Variants in CNTN5 observed in about 807,000 individuals in gnomAD.
CNTN5 encodes the protein contactin 5.
In CNTN5, 77 loss-of-function variants were observed where a neutral mutation model predicts 129.1. The ratio of observed to expected loss-of-function variants is 0.60; its 90% CI spans 0.50 to 0.72. The LOEUF (loss-of-function observed/expected upper bound fraction) is 0.72. Ranked by LOEUF, CNTN5 falls within the 30% of genes least tolerant of loss-of-function variation. The pLI is 0.00. For synonymous variants in CNTN5, 509 were observed against 465.6 expected, an observed-to-expected ratio of 1.09 and a Z score of -1.20; for missense variants, 1,478 against 1,328.8, an observed-to-expected ratio of 1.11 and a Z score of -1.75.
chr11:99,484,743 G>A (rs564971937), intron 2 of CNTN5, among the ~76,000 whole-genome samples: 102 of 151,574 alleles, frequency 6.7e-4, no homozygotes, highest in African/African-American at 2.4e-3. Flanking sequence ...TCTGTTACAC[G>A]AATGGAACTG....
At chr11:99,703,349 T>C (rs1284123606) in intron 3 of CNTN5, among the ~76,000 whole-genome samples, 1 of 150,298 alleles carries the variant, frequency 6.7e-6, no homozygotes, top group African/African-American at 2.4e-5. Flanking sequence ...TTTCTTTCAC[T>C]TCTTACATGG....
intron 3 of CNTN5, among the ~76,000 whole-genome samples, chr11:99,731,971 A>ACC (rs1943550578): frequency 6.6e-6 from 1 of 152,196 alleles, no homozygotes; most frequent in Non-Finnish European, 1.5e-5. Context: ...ATTTAGATAT[A>ACC]ATGTATATAA....
chr11:100,232,955 A>T (rs1949524065), intron 16 of CNTN5, among the ~76,000 whole-genome samples: 1 of 152,178 alleles, frequency 6.6e-6, no homozygotes, highest in Non-Finnish European at 1.5e-5. Flanking sequence ...ACATAAAAAC[A>T]ATATGAAAAA....
intron 12 of CNTN5, 79 bp from the exon 13 acceptor site, chr11:100,074,065 T>A: frequency 7.4e-7 from 1 of 1,346,760 alleles, no homozygotes. Flanking sequence ...GAAGAAAAAG[T>A]TACAAGATCT....
rs762997705 is a variant in CNTN5, at chr11:99,607,940, G to C, written c.55+51671G>C. 2.1e-3 allele frequency among the ~76,000 whole-genome samples: 238 copies of C among 113,564 alleles called. 3 individuals are homozygous for C. Among genetic ancestry groups the C allele is most frequent in the Middle Eastern group, 8.2e-3 (2 of 244 alleles). 74.5% of individuals were successfully genotyped at this position (113,564 alleles called of 152,430 possible). On this transcript the variant is annotated intron_variant, in intron 3 of 24. Coordinates refer to ENST00000524871, the MANE Select transcript of CNTN5 (RefSeq NM_014361.4). The stretch of plus-strand genomic sequence containing the variant: ...ACAGGAAGGGGAATATCACACTCTG[G>C]GGACTGTGGTGGGGTCGGGGGAGGG...
intron 1 of CNTN5, among the ~76,000 whole-genome samples, chr11:99,175,001 A>G (rs1458192871): frequency 6.6e-6 from 1 of 152,060 alleles, no homozygotes; most frequent in East Asian, 1.9e-4. Flanking sequence ...TGTGAAGCTG[A>G]AGTTGAAGAT....
At chr11:100,022,844 C>G (rs61909187) in intron 9 of CNTN5, among the ~76,000 whole-genome samples, 11,080 of 152,178 alleles carry the variant, frequency 0.073, 489 homozygotes, top group East Asian at 0.16. Flanking sequence ...ATATGTTTCT[C>G]TACTATTTTC....
At chr11:99,958,182 G>T (rs950664711) in intron 8 of CNTN5, among the ~76,000 whole-genome samples, 1 of 152,092 alleles carries the variant, frequency 6.6e-6, no homozygotes, top group Non-Finnish European at 1.5e-5. Flanking sequence ...CCAATTCAGG[G>T]GCTACAAAAA....
intron 3 of CNTN5, among the ~76,000 whole-genome samples, chr11:99,772,872 G>C (rs1031947796): frequency 6.6e-6 from 1 of 152,040 alleles, no homozygotes; most frequent in Non-Finnish European, 1.5e-5. Flanking sequence ...TGGGATTGTA[G>C]ATCATGTAGT....
At chr11:99,121,273 T>C (rs1858312785) in intron 1 of CNTN5, among the ~76,000 whole-genome samples, 1 of 152,056 alleles carries the variant, frequency 6.6e-6, no homozygotes, top group African/African-American at 2.4e-5. Context: ...TAGCTGGGAT[T>C]ACAGGCACTC....
chr11:99,054,355 A>G (rs1195093524), intron 1 of CNTN5, among the ~76,000 whole-genome samples: 1 of 151,894 alleles, frequency 6.6e-6, no homozygotes, highest in African/African-American at 2.4e-5. Flanking sequence ...GTAACACAAC[A>G]TTTGTCTTAT....
At position 99,826,068 on chromosome 11, in the gene CNTN5, C is replaced by T. The variant is rs144135393; in HGVS notation, c.277+6303C>T. 9.7e-4 allele frequency among the ~76,000 whole-genome samples: 147 copies of T among 152,064 alleles called. No homozygotes were observed. In the South Asian group the frequency reaches 0.012, roughly 12 times the overall value. The stretch of plus-strand genomic sequence containing the variant: ...TTCCTGAATTTGTACTTTGGAGTAT[C>T]GTAAGCATATTTATTTTAAAGTCCT... On this transcript the variant is annotated intron_variant, in intron 4 of 24. Coordinates refer to ENST00000524871, the MANE Select transcript of CNTN5 (RefSeq NM_014361.4).
At chr11:99,423,937 A>G (rs1036194772) in intron 2 of CNTN5, among the ~76,000 whole-genome samples, 1 of 152,142 alleles carries the variant, frequency 6.6e-6, no homozygotes, top group Non-Finnish European at 1.5e-5. Context: ...GGTTTGAATG[A>G]TATTAAAACC....
intron 2 of CNTN5, among the ~76,000 whole-genome samples, chr11:99,482,322 A>C (rs1945633262): frequency 6.6e-6 from 1 of 152,214 alleles, no homozygotes; most frequent in African/African-American, 2.4e-5. Flanking sequence ...AAAGAACAGA[A>C]AGGTAATTCT....
At chr11:99,651,639 A>G (rs1373924457) in intron 3 of CNTN5, among the ~76,000 whole-genome samples, 1 of 152,032 alleles carries the variant, frequency 6.6e-6, no homozygotes, top group Non-Finnish European at 1.5e-5. Flanking sequence ...CTGGTTTAAA[A>G]AACCCATCTA....
chr11:99,774,200 C>G (rs993289738), intron 3 of CNTN5, among the ~76,000 whole-genome samples: 1 of 151,832 alleles, frequency 6.6e-6, no homozygotes, highest in African/African-American at 2.4e-5. Flanking sequence ...TTAATTAACT[C>G]TGTCTAGTAC....
intron 15 of CNTN5, among the ~76,000 whole-genome samples, chr11:100,200,239 G>A (rs1187891436): frequency 6.6e-6 from 1 of 151,780 alleles, no homozygotes; most frequent in Non-Finnish European, 1.5e-5. Flanking sequence ...ACTCTAATTA[G>A]CAGATTTTTC....
At chr11:99,498,909 T>C (rs569991619) in intron 2 of CNTN5, among the ~76,000 whole-genome samples, 3 of 152,260 alleles carry the variant, frequency 2.0e-5, no homozygotes, top group African/African-American at 7.2e-5. Context: ...CTGACACAAC[T>C]GAGTAAGGAG....
chr11:99,073,112 A>G (rs555715035), intron 1 of CNTN5, among the ~76,000 whole-genome samples: 9 of 152,218 alleles, frequency 5.9e-5, no homozygotes, highest in Admixed American at 5.9e-4. Context: ...ATATGGATTT[A>G]GTACAATTTA....
Sources: allele counts gnomAD v4.1 joint callset (sites outside exome capture counted in the v4.1 genomes callset), GRCh38; gene constraint gnomAD v4.1.1; transcripts MANE v1.5; gene names NCBI Gene and HGNC (gene_info 2026-07-23, HGNC 2026-07-21).